Variants in PPA2 observed in about 807,000 individuals in gnomAD.
The protein encoded by PPA2 is inorganic pyrophosphatase 2, also known as inorganic pyrophosphatase 2, mitochondrial.
Under a neutral mutation model 49.5 loss-of-function variants are expected in PPA2, and 48 were observed. The ratio of observed to expected loss-of-function variants is 0.97; its 90% CI spans 0.77 to 1.23. PPA2 has a LOEUF of 1.23. PPA2 is among the 50% of genes most tolerant of loss of function. PPA2 has a pLI of 0.00. For synonymous variants in PPA2, 131 were observed against 139.9 expected, an observed-to-expected ratio of 0.94 and a Z score of 0.45; for missense variants, 429 against 410.1, an observed-to-expected ratio of 1.05 and a Z score of -0.40.
intron 9 of PPA2, among the ~76,000 whole-genome samples, chr4:105,389,363 T>G (rs2713834): frequency 0.6 from 90,710 of 150,718 alleles, 27,325 homozygotes; most frequent in East Asian, 0.68. Context: ...CTCAAACTAT[T>G]ACTACGACCT....
intron 7 of PPA2, among the ~76,000 whole-genome samples, chr4:105,420,174 G>A (rs904399627): frequency 1.3e-5 from 2 of 152,158 alleles, no homozygotes; most frequent in African/African-American, 4.8e-5. Flanking sequence ...GTTTCTCTAC[G>A]TGGGTCAGGC....
intron 3 of PPA2, among the ~76,000 whole-genome samples, chr4:105,452,497 C>T (rs1464414577): frequency 5.3e-5 from 8 of 152,070 alleles, no homozygotes; most frequent in East Asian, 3.8e-4. Flanking sequence ...AGATGGGGCA[C>T]GGAATCTGAA....
At chr4:105,466,129 A>T (rs1723291150) in intron 1 of PPA2, among the ~76,000 whole-genome samples, 1 of 152,214 alleles carries the variant, frequency 6.6e-6, no homozygotes, top group South Asian at 2.1e-4. Flanking sequence ...TTAACAAGTT[A>T]TTTGCTAAAG....
rs1409680543 is a variant in PPA2, at chr4:105,424,191, C to T, written c.655+5G>A. 1.9e-6 allele frequency: 3 copies of T among 1,600,220 alleles called. No individual in the cohort carries two copies. The highest frequency in any genetic ancestry group is 2.5e-6 in the Non-Finnish European group (3 of 1,176,928). On this transcript the variant is annotated splice_donor_5th_base_variant and intron_variant, in intron 7 of 11. Transcript: ENST00000341695. ...CTTTCACTTTCTGGAAAGTAACAGT[C>T]TTACCATGAAACTTTGAGGCTTCAG...
intron 10 of PPA2, among the ~76,000 whole-genome samples, chr4:105,378,716 T>C (rs1733357310): frequency 2.0e-5 from 3 of 152,140 alleles, no homozygotes; most frequent in Admixed American, 2.0e-4. Context: ...CTAGGATCCA[T>C]TTTAGACAAT....
intron 6 of PPA2, among the ~76,000 whole-genome samples, chr4:105,426,712 G>A (rs1465225606): frequency 6.6e-6 from 1 of 152,232 alleles, no homozygotes; most frequent in African/African-American, 2.4e-5. Flanking sequence ...AGTGTGAACT[G>A]GGCGGAGCCC....
chr4:105,439,082 T>G (rs560787372), intron 5 of PPA2, among the ~76,000 whole-genome samples: 9 of 151,924 alleles, frequency 5.9e-5, no homozygotes, highest in South Asian at 2.1e-4. Flanking sequence ...TAAGAAAATA[T>G]AAGAATAACC....
At chr4:105,455,842 C>T (rs1478602450) in intron 2 of PPA2, among the ~76,000 whole-genome samples, 1 of 152,158 alleles carries the variant, frequency 6.6e-6, no homozygotes, top group African/African-American at 2.4e-5. Context: ...TCCTAGAAAA[C>T]CCAACCCCAA....
At chr4:105,447,380 G>C (rs1042260218) in intron 4 of PPA2, among the ~76,000 whole-genome samples, 3 of 152,106 alleles carry the variant, frequency 2.0e-5, no homozygotes, top group Non-Finnish European at 2.9e-5. Flanking sequence ...AGTTACAGAG[G>C]CTAAGGGTAG....
At chr4:105,396,968 T>A (rs1734175379) in intron 8 of PPA2, among the ~76,000 whole-genome samples, 1 of 152,178 alleles carries the variant, frequency 6.6e-6, no homozygotes, top group Admixed American at 6.6e-5. Flanking sequence ...AAGCAGTACA[T>A]CTCCTTGACA....
intron 1 of PPA2, among the ~76,000 whole-genome samples, chr4:105,473,189 T>C (rs1413746431): frequency 6.6e-6 from 1 of 152,192 alleles, no homozygotes; most frequent in Non-Finnish European, 1.5e-5. Flanking sequence ...CACGAAGACC[T>C]GGGTCCTTTC....
At chr4:105,410,258 A>G (rs966584832) in intron 7 of PPA2, among the ~76,000 whole-genome samples, 5 of 152,252 alleles carry the variant, frequency 3.3e-5, no homozygotes, top group Non-Finnish European at 7.3e-5. Context: ...CAAGAACTTC[A>G]TGACGCATGC....
chr4:105,396,155 TAA>T, intron 9 of PPA2, 92 bp downstream of exon 9: 1 of 763,842 alleles, frequency 1.3e-6, no homozygotes. Flanking sequence ...TTGTTTAAAT[TAA>T]AAAAAATGCA....
chr4:105,425,710 G>C (rs1723466098), intron 6 of PPA2, among the ~76,000 whole-genome samples: 1 of 133,826 alleles, frequency 7.5e-6, no homozygotes, highest in South Asian at 2.3e-4. Context: ...GATTGAGAAA[G>C]GACACATGCA....
At chr4:105,467,548 A>G (rs1224671711) in intron 1 of PPA2, among the ~76,000 whole-genome samples, 1 of 152,210 alleles carries the variant, frequency 6.6e-6, no homozygotes, top group Non-Finnish European at 1.5e-5. Context: ...GAGCTTGTAC[A>G]TTATCTGACT....
chr4:105,379,960 T>C (rs143156176), intron 10 of PPA2, among the ~76,000 whole-genome samples: 1 of 152,284 alleles, frequency 6.6e-6, no homozygotes, highest in Non-Finnish European at 1.5e-5. Context: ...ATTAATCTCA[T>C]GTCCTACAAT....
chr4:105,449,471 C>T (rs990424237), intron 3 of PPA2, 68 bp from the exon 4 acceptor site: 1 of 981,932 alleles, frequency 1.0e-6, no homozygotes. Context: ...CGTTACCTCC[C>T]TTATAAGAAT....
At chr4:105,409,566 G>A (rs1472789079) in intron 7 of PPA2, among the ~76,000 whole-genome samples, 1 of 152,234 alleles carries the variant, frequency 6.6e-6, no homozygotes, top group Non-Finnish European at 1.5e-5. Context: ...TTTGAACTCT[G>A]AGAACAGACA....
chr4:105,381,347 T>G (rs1416389216), intron 10 of PPA2, among the ~76,000 whole-genome samples: 1 of 152,006 alleles, frequency 6.6e-6, no homozygotes, highest in East Asian at 1.9e-4. Context: ...TATTTTAAGG[T>G]TTCTTTTGTT....
Sources: allele counts gnomAD v4.1 joint callset (sites outside exome capture counted in the v4.1 genomes callset), GRCh38; gene constraint gnomAD v4.1.1; transcripts MANE v1.5; gene names NCBI Gene and HGNC (gene_info 2026-07-23, HGNC 2026-07-21).